CMIP: variants seen among roughly 807,000 people sequenced by gnomAD.
The protein encoded by CMIP is C-Maf-inducing protein.
Under a neutral mutation model 97.3 loss-of-function variants are expected in CMIP, and 13 were observed. That is an observed-to-expected ratio of 0.13 (90% CI 0.09 to 0.21). CMIP has a LOEUF of 0.21. CMIP is among the 10% of genes least tolerant of loss of function. The pLI is 1.00. For missense variants in CMIP, 847 were observed against 1,024.9 expected (o/e 0.83, Z 2.37); for synonymous variants, 538 against 436.3 (o/e 1.23, Z -2.91).
At chr16:81,698,210 T>A (rs1371088146) in intron 14 of CMIP, 1 of 152,250 alleles carries the variant, frequency 6.6e-6, no homozygotes, top group Admixed American at 6.5e-5. Flanking sequence ...TTGATGAGGC[T>A]GCTTTCTCCA....
chr16:81,470,274 G>A (rs995795792), intron 1 of CMIP, among the ~76,000 whole-genome samples: 1 of 152,258 alleles, frequency 6.6e-6, no homozygotes, highest in African/African-American at 2.4e-5. Context: ...AGCCCCAGCG[G>A]TTCAAGAGGT....
chr16:81,471,544 TAC>T (rs562216408), intron 1 of CMIP, among the ~76,000 whole-genome samples: 6 of 135,826 alleles, frequency 4.4e-5, no homozygotes, highest in African/African-American at 1.5e-4. Flanking sequence ...AGTGTACACA[TAC>T]ACACATGTGC....
At chr16:81,476,837 C>T (rs916959250) in intron 1 of CMIP, among the ~76,000 whole-genome samples, 17 of 152,108 alleles carry the variant, frequency 1.1e-4, no homozygotes, top group African/African-American at 4.1e-4. Flanking sequence ...TTCTCCCTCC[C>T]ACCCCTTCTT....
chr16:81,448,541 G>A (rs1310307385), intron 1 of CMIP, among the ~76,000 whole-genome samples: 1 of 152,200 alleles, frequency 6.6e-6, no homozygotes, highest in Non-Finnish European at 1.5e-5. Context: ...GGAGCCAGCA[G>A]CCTCACCCGC....
intron 1 of CMIP, among the ~76,000 whole-genome samples, chr16:81,580,231 G>T (rs1158408828): frequency 6.6e-6 from 1 of 152,172 alleles, no homozygotes; most frequent in Non-Finnish European, 1.5e-5. Context: ...GCCGTGATCA[G>T]ACCCCTTTAG....
At chr16:81,542,577 T>C (rs575382682) in intron 1 of CMIP, among the ~76,000 whole-genome samples, 38 of 152,290 alleles carry the variant, frequency 2.5e-4, no homozygotes, top group African/African-American at 9.1e-4. Context: ...CAAAACACCA[T>C]AGACTGGGTG....
intron 1 of CMIP, among the ~76,000 whole-genome samples, chr16:81,499,229 A>G (rs1157070961): frequency 4.0e-5 from 6 of 151,800 alleles, no homozygotes; most frequent in Admixed American, 3.9e-4. Flanking sequence ...ACACCCCCTC[A>G]CCGTATACAC....
intron 1 of CMIP, among the ~76,000 whole-genome samples, chr16:81,471,416 A>G (rs111841604): frequency 2.2e-4 from 18 of 82,216 alleles, no homozygotes; most frequent in African/African-American, 6.2e-4. Context: ...GCATACACAC[A>G]TACATGTACA....
intron 1 of CMIP, among the ~76,000 whole-genome samples, chr16:81,485,189 G>C (rs2089296617): frequency 1.3e-5 from 2 of 152,118 alleles, no homozygotes; most frequent in Admixed American, 1.3e-4. Flanking sequence ...AATGTATTAA[G>C]CTACTTTCCT....
chr16:81,549,133 A>T (rs374911991), intron 1 of CMIP, among the ~76,000 whole-genome samples: 119 of 152,308 alleles, frequency 7.8e-4, no homozygotes, highest in African/African-American at 2.7e-3. Context: ...GGCTTTTCTG[A>T]TGATTTGTCA....
chr16:81,445,769 G>T (rs971073931), intron 1 of CMIP, among the ~76,000 whole-genome samples: 7 of 152,022 alleles, frequency 4.6e-5, no homozygotes, highest in Admixed American at 2.6e-4. Context: ...CCCTTAAAAT[G>T]CTGGAGACTC....
At chr16:81,541,096 A>G (rs979898905) in intron 1 of CMIP, among the ~76,000 whole-genome samples, 3 of 151,914 alleles carry the variant, frequency 2.0e-5, no homozygotes, top group Non-Finnish European at 4.4e-5. Context: ...TGTACTATAT[A>G]TATAAGTATA....
At chr16:81,644,391 A>G (rs757182963) in intron 3 of CMIP, among the ~76,000 whole-genome samples, 4 of 152,182 alleles carry the variant, frequency 2.6e-5, no homozygotes, top group Non-Finnish European at 5.9e-5. Flanking sequence ...TGTTTGACCC[A>G]GGGTGTCTCT....
At chr16:81,675,560 G>C (rs1280835342) in intron 9 of CMIP, among the ~76,000 whole-genome samples, 1 of 152,064 alleles carries the variant, frequency 6.6e-6, no homozygotes, top group East Asian at 1.9e-4. Context: ...CACTACTTCA[G>C]AATCACCTGG....
At chr16:81,639,134 C>T (rs1013035702) in intron 3 of CMIP, among the ~76,000 whole-genome samples, 7 of 152,138 alleles carry the variant, frequency 4.6e-5, no homozygotes, top group Non-Finnish European at 8.8e-5. Context: ...CCTACAGGGC[C>T]GGCTGTGACC....
intron 1 of CMIP, among the ~76,000 whole-genome samples, chr16:81,454,839 C>CT (rs990724044): frequency 3.3e-5 from 5 of 152,234 alleles, no homozygotes; most frequent in African/African-American, 1.2e-4. Flanking sequence ...GGAAGGACTT[C>CT]TTTGTAGGAG....
At chr16:81,481,340 A>C (rs1908250381) in intron 1 of CMIP, among the ~76,000 whole-genome samples, 1 of 152,058 alleles carries the variant, frequency 6.6e-6, no homozygotes, top group Non-Finnish European at 1.5e-5. Context: ...GCAGGTGTAC[A>C]GGTGAGGGCC....
intron 3 of CMIP, among the ~76,000 whole-genome samples, chr16:81,636,780 T>G (rs1174058428): frequency 5.3e-5 from 8 of 152,128 alleles, no homozygotes; most frequent in African/African-American, 1.7e-4. Context: ...GCCCTACCCG[T>G]TGGTCCTCCC....
chr16:81,455,357 C>T (rs193139931), intron 1 of CMIP, among the ~76,000 whole-genome samples: 52 of 152,322 alleles, frequency 3.4e-4, no homozygotes, highest in African/African-American at 7.7e-4. Context: ...TCCATTTTAC[C>T]GATGGGGACA....
Sources: allele counts gnomAD v4.1 joint callset (sites outside exome capture counted in the v4.1 genomes callset), GRCh38; gene constraint gnomAD v4.1.1; transcripts MANE v1.5; gene names NCBI Gene and HGNC (gene_info 2026-07-23, HGNC 2026-07-21).